Variants in SLC24A3 observed in about 807,000 individuals in gnomAD.
SLC24A3 encodes solute carrier family 24 member 3, also known as sodium/potassium/calcium exchanger 3.
A neutral mutation model predicts 75.8 loss-of-function variants in SLC24A3; 28 were observed. The observed-to-expected ratio is 0.37, with a 90% CI of 0.27 to 0.51. SLC24A3 has a LOEUF of 0.51. SLC24A3 is among the 20% of genes least tolerant of loss of function. SLC24A3 has a pLI of 0.94. For missense variants in SLC24A3, 663 were observed against 847.8 expected, an observed-to-expected ratio of 0.78 and a Z score of 2.71; for synonymous variants, 372 against 334.1, an observed-to-expected ratio of 1.11 and a Z score of -1.24.
At chr20:19,344,390 A>G (rs952772317) in intron 2 of SLC24A3, among the ~76,000 whole-genome samples, 3 of 152,206 alleles carry the variant, frequency 2.0e-5, no homozygotes, top group African/African-American at 7.2e-5. Flanking sequence ...CCATAACTAC[A>G]TATGTACATG....
At chr20:19,450,785 G>A (rs1987466248) in intron 2 of SLC24A3, among the ~76,000 whole-genome samples, 1 of 152,104 alleles carries the variant, frequency 6.6e-6, no homozygotes, top group Non-Finnish European at 1.5e-5. Context: ...GATCACTTGA[G>A]GTCAGGAGTT....
intron 2 of SLC24A3, among the ~76,000 whole-genome samples, chr20:19,455,697 A>G (rs1031893585): frequency 5.9e-4 from 90 of 152,208 alleles, no homozygotes; most frequent in African/African-American, 2.1e-3. Context: ...GCCCTAGCTG[A>G]TGGAGGTAAT....
chr20:19,669,080 C>T (rs1171101714), intron 8 of SLC24A3, among the ~76,000 whole-genome samples: 1 of 152,220 alleles, frequency 6.6e-6, no homozygotes, highest in Admixed American at 6.5e-5. Flanking sequence ...GGCGCACCCT[C>T]TTTGAGATCA....
intron 3 of SLC24A3, among the ~76,000 whole-genome samples, chr20:19,521,166 T>A (rs2030091382): frequency 6.6e-6 from 1 of 152,144 alleles, no homozygotes; most frequent in African/African-American, 2.4e-5. Context: ...ACAATCCTTA[T>A]TCTCTCAGAA....
chr20:19,573,658 T>A (rs1208996211), intron 3 of SLC24A3, among the ~76,000 whole-genome samples: 1 of 152,228 alleles, frequency 6.6e-6, no homozygotes, highest in African/African-American at 2.4e-5. Flanking sequence ...TTGGTGTGTA[T>A]CCTCAGGCTT....
At chr20:19,299,940 C>A (rs1984156537) in intron 2 of SLC24A3, among the ~76,000 whole-genome samples, 1 of 152,210 alleles carries the variant, frequency 6.6e-6, no homozygotes, top group Non-Finnish European at 1.5e-5. Flanking sequence ...GTGGCCCTGG[C>A]ATTCAGGTCT....
intron 2 of SLC24A3, among the ~76,000 whole-genome samples, chr20:19,358,218 G>A (rs1019652810): frequency 6.6e-6 from 1 of 152,222 alleles, no homozygotes; most frequent in Non-Finnish European, 1.5e-5. Flanking sequence ...CCTTTGGGCT[G>A]AGGCAGGTGA....
intron 2 of SLC24A3, among the ~76,000 whole-genome samples, chr20:19,500,852 C>T (rs1450970653): frequency 4.6e-5 from 7 of 152,146 alleles, no homozygotes; most frequent in Admixed American, 4.6e-4. Context: ...TTTGATCAGC[C>T]TTTGACTCAA....
chr20:19,534,598 A>G (rs1357105509), intron 3 of SLC24A3, among the ~76,000 whole-genome samples: 2 of 152,126 alleles, frequency 1.3e-5, no homozygotes, highest in African/African-American at 4.8e-5. Flanking sequence ...TTTTTAGTAG[A>G]GACAAGGTTT....
At chr20:19,264,173 A>G (rs1983087045) in intron 1 of SLC24A3, 1 of 152,242 alleles carries the variant, frequency 6.6e-6, no homozygotes, top group East Asian at 1.9e-4. Context: ...AAAAAAAAAA[A>G]AAATTATCCA....
intron 2 of SLC24A3, among the ~76,000 whole-genome samples, chr20:19,333,998 T>C (rs1055183343): frequency 3.3e-5 from 5 of 151,682 alleles, no homozygotes. Flanking sequence ...TTTTCAATGG[T>C]TAAAATGTAT....
chr20:19,229,041 G>A (rs1981944938), intron 1 of SLC24A3, among the ~76,000 whole-genome samples: 1 of 152,176 alleles, frequency 6.6e-6, no homozygotes. Context: ...AGTCTTCTAT[G>A]AAGATAATTT....
intron 6 of SLC24A3, among the ~76,000 whole-genome samples, chr20:19,588,671 C>T (rs566156316): frequency 2.2e-4 from 33 of 152,236 alleles, no homozygotes; most frequent in African/African-American, 6.5e-4. Flanking sequence ...TATTTAAAAA[C>T]GAAGAATAAT....
rs965353915 is a variant in SLC24A3, at chr20:19,698,553, C to T, written c.1607-15C>T. ...GGTTCCCTTCCCTCTCTTAAGTGAC[C>T]TCTTGTCCCTGCAGGGATGGGGGAC... On this transcript the variant is annotated splice_polypyrimidine_tract_variant and intron_variant, in intron 14 of 16. Transcript: ENST00000328041. 15 of 1,560,460 alleles carry T rather than the reference C, an allele frequency of 9.6e-6. No individual in the cohort carries two copies. The Admixed American group carries it at 1.3e-4, about 14-fold the overall frequency.
intron 2 of SLC24A3, among the ~76,000 whole-genome samples, chr20:19,408,754 T>C (rs1044185667): frequency 2.0e-5 from 3 of 152,188 alleles, no homozygotes; most frequent in Non-Finnish European, 4.4e-5. Flanking sequence ...GTCTATGTCA[T>C]TAGGAGAGAT....
chr20:19,430,803 C>T (rs1235099898), intron 2 of SLC24A3, among the ~76,000 whole-genome samples: 3 of 138,612 alleles, frequency 2.2e-5, no homozygotes, highest in African/African-American at 3.1e-5. Context: ...CACTTGCACT[C>T]ATGGACACAC....
At chr20:19,680,478 GT>G (rs1176902871) in intron 9 of SLC24A3, among the ~76,000 whole-genome samples, 9 of 152,178 alleles carry the variant, frequency 5.9e-5, no homozygotes, top group Non-Finnish European at 1.2e-4. Flanking sequence ...AGGAGGCATG[GT>G]GATGTCTGCC....
chr20:19,376,892 G>T (rs976932469), intron 2 of SLC24A3, among the ~76,000 whole-genome samples: 3 of 152,162 alleles, frequency 2.0e-5, no homozygotes, highest in African/African-American at 4.8e-5. Flanking sequence ...TTGTAGAAAT[G>T]GAGAGATAAT....
intron 3 of SLC24A3, 137 bp from the exon 4 acceptor site, chr20:19,579,863 G>A (rs2031194226): frequency 1.5e-6 from 1 of 649,798 alleles, no homozygotes; most frequent in Non-Finnish European, 2.7e-6. Context: ...AGTGTTGTGG[G>A]CATTGGAAAG....
Sources: gnomAD v4.1 joint callset for allele counts (sites outside exome capture counted in the v4.1 genomes callset) on GRCh38, gnomAD v4.1.1 for gene constraint, MANE v1.5 for transcripts, NCBI Gene and HGNC (gene_info 2026-07-23, HGNC 2026-07-21) for gene names.